Variants in PRELID3B observed in about 807,000 individuals in gnomAD.
PRELID3B encodes the protein PRELI domain containing protein 3B.
A neutral mutation model predicts 24.0 loss-of-function variants in PRELID3B; 15 were observed. The ratio of observed to expected loss-of-function variants is 0.63; its 90% CI spans 0.42 to 0.96. PRELID3B has a LOEUF of 0.96. Ranked by LOEUF, PRELID3B falls within the 40% of genes least tolerant of loss-of-function variation. The pLI, the probability that PRELID3B is intolerant of heterozygous loss-of-function variation, is 0.00. For synonymous variants in PRELID3B, 62 were observed against 76.0 expected (o/e 0.82, Z 0.96); for missense variants, 189 against 236.0 (o/e 0.80, Z 1.30).
intron 1 of PRELID3B, among the ~76,000 whole-genome samples, chr20:59,041,626 T>C (rs1211142160): frequency 6.6e-6 from 1 of 152,104 alleles, no homozygotes; most frequent in African/African-American, 2.4e-5. Context: ...TCCCAGCTAC[T>C]TGGGAGGCCA....
chr20:59,033,720 A>T lies in PRELID3B; in HGVS notation c.*1287T>A, dbSNP rs1304479561. 1 of 152,256 alleles carries T rather than the reference A, an allele frequency of 6.6e-6. No homozygotes were observed. Among genetic ancestry groups the T allele is most frequent in the Non-Finnish European group, 1.5e-5 (1 of 68,040 alleles). 9.4% of individuals were successfully genotyped at this position (152,256 alleles called of 1,614,324 possible). ...TATCACACTAAGCACTGTAAAATAA[A>T]GGCAAGAGCTAATCATCTTCTAGCA... On this transcript the variant is annotated 3_prime_UTR_variant, in exon 6 of 6. Transcript: ENST00000355937.
rs1365007254 is a variant in PRELID3B, at chr20:59,034,246, TTC to T, written c.*759_*760del. 6.6e-6 allele frequency: 1 copy of T among 152,250 alleles called. No homozygotes were observed. Among genetic ancestry groups the T allele is most frequent in the Non-Finnish European group, 1.5e-5 (1 of 68,050 alleles). 9.4% of individuals were successfully genotyped at this position (152,250 alleles called of 1,614,324 possible). On this transcript the variant is annotated 3_prime_UTR_variant, in exon 6 of 6. Coordinates refer to ENST00000355937, the MANE Select transcript of PRELID3B (RefSeq NM_016045.3). Reference sequence around the variant, plus strand: ...TGCTAAAAGATGTGAACAGCTGTTCTTCTGTTTAAGTTAGAGCACTGCAAAAC... The same window carrying T: ...TGCTAAAAGATGTGAACAGCTGTTCTTGTTTAAGTTAGAGCACTGCAAAAC...
In PRELID3B at chr20:59,033,684, G is replaced by A. The variant is rs1421302182; in HGVS notation, c.*1323C>T. On this transcript the variant is annotated 3_prime_UTR_variant, in exon 6 of 6. Coordinates refer to ENST00000355937, the MANE Select transcript of PRELID3B (RefSeq NM_016045.3). ...AACTGGTCTCTTGGATAGGAAACAT[G>A]ACTAGAAGTTTATCACACTAAGCAC... 5.9e-5 allele frequency: 9 copies of A among 152,318 alleles called. No individual in the cohort carries two copies. The highest frequency in any genetic ancestry group is 1.3e-4 in the Admixed American group (2 of 15,304). 9.4% of individuals were successfully genotyped at this position (152,318 alleles called of 1,614,324 possible).
chr20:59,033,890 C>T lies in PRELID3B; in HGVS notation c.*1117G>A, dbSNP rs1448549840. The stretch of plus-strand genomic sequence containing the variant: ...CTTGACATCCCAAATAAGGAATTCC[C>T]GTTAAGTAAAACCTGCAGTGCAATT... On this transcript the variant is annotated 3_prime_UTR_variant, in exon 6 of 6. Coordinates refer to ENST00000355937, the MANE Select transcript of PRELID3B (RefSeq NM_016045.3). 3 of 152,144 alleles carry T rather than the reference C, an allele frequency of 2.0e-5. No individual in the cohort carries two copies. The highest frequency in any genetic ancestry group is 2.9e-5 in the Non-Finnish European group (2 of 68,026). The allele number at this position is 152,144 out of a possible 1,614,324, so 9.4% of individuals were successfully genotyped here. A position where few individuals can be genotyped will look rare whatever the true frequency, so the allele number is the denominator to read the frequency against.
intron 2 of PRELID3B, among the ~76,000 whole-genome samples, chr20:59,037,712 G>A (rs530880751): frequency 2.0e-5 from 3 of 152,236 alleles, no homozygotes; most frequent in Non-Finnish European, 4.4e-5. Context: ...GAAAAACAGC[G>A]TTCTTACGAT....
intron 1 of PRELID3B, among the ~76,000 whole-genome samples, chr20:59,041,667 G>A (rs1337729996): frequency 6.6e-6 from 1 of 152,156 alleles, no homozygotes; most frequent in African/African-American, 2.4e-5. Flanking sequence ...CACGGGAGAC[G>A]GAGGTTGCAG....
In PRELID3B at chr20:59,042,423, C is replaced by A. The variant is rs565636762; in HGVS notation, c.32+276G>T. 2.6e-5 allele frequency among the ~76,000 whole-genome samples: 4 copies of A among 152,310 alleles called. No homozygotes were observed. The South Asian group carries it at 8.3e-4, about 32-fold the overall frequency. ...ACCTCAGGAGGCCGCCGGCCCGAGG[C>A]TACCTCATGGTGGGGGACAGCCCGG... On this transcript the variant is annotated intron_variant, in intron 1 of 5. Transcript: ENST00000355937.
chr20:59,039,801 T>G (rs2092098757), intron 1 of PRELID3B, among the ~76,000 whole-genome samples: 1 of 152,224 alleles, frequency 6.6e-6, no homozygotes, highest in South Asian at 2.1e-4. Context: ...GGACAACCAG[T>G]GACATCATTT....
chr20:59,039,414 T>A (rs1291843721), intron 1 of PRELID3B, among the ~76,000 whole-genome samples: 1 of 152,258 alleles, frequency 6.6e-6, no homozygotes, highest in African/African-American at 2.4e-5. Context: ...GCACATGTGC[T>A]TGGATGATTC....
At chr20:59,036,878 CGCT>C in intron 3 of PRELID3B, 118 bp from the exon 4 acceptor site, 3 of 692,574 alleles carry the variant, frequency 4.3e-6, no homozygotes, top group East Asian at 2.7e-5. Flanking sequence ...ACAAATAAAC[CGCT>C]GCTATTATTG....
At chr20:59,038,352 G>T in intron 2 of PRELID3B, 114 bp downstream of exon 2, 3 of 808,230 alleles carry the variant, frequency 3.7e-6, no homozygotes, top group South Asian at 2.4e-5. Flanking sequence ...CAACTTGAAC[G>T]GATGCAAAAA....
chr20:59,042,359 A>G (rs1387309372), intron 1 of PRELID3B, among the ~76,000 whole-genome samples: 1 of 152,218 alleles, frequency 6.6e-6, no homozygotes, highest in Non-Finnish European at 1.5e-5. Flanking sequence ...GGCAACCCTG[A>G]GTGCTGTCAA....
At chr20:59,039,763 CTCAACTCCATT>C (rs2092098505) in intron 1 of PRELID3B, among the ~76,000 whole-genome samples, 1 of 152,228 alleles carries the variant, frequency 6.6e-6, no homozygotes, top group Non-Finnish European at 1.5e-5. Flanking sequence ...AAAGGAAAAT[CTCAACTCCATT>C]AATTTCCCAG....
chr20:59,035,092 A>T lies in PRELID3B; in HGVS notation c.500T>A (p.Leu167Ter). The stretch of plus-strand genomic sequence containing the variant: ...TGTCAGTTCTTCAATCTCAGCATTT[A>T]ATTTATGTATTACCCATTCCATTGC... ...REAMEWVIHK[L>*]NAEIEELTAS... The change falls in exon 6 of 6, where the codon TTA becomes TAA. Residue 167 changes from leucine (L) to a stop codon, truncating the protein, a stop_gained. Coordinates refer to ENST00000355937, the MANE Select transcript of PRELID3B (RefSeq NM_016045.3). LOFTEE classifies it high-confidence loss of function. 6.2e-7 allele frequency: 1 copy of T among 1,613,668 alleles called. No individual in the cohort carries two copies. The highest frequency in any genetic ancestry group is 8.5e-7 in the Non-Finnish European group (1 of 1,179,836).
chr20:59,038,174 A>C, intron 2 of PRELID3B: 2 of 283,398 alleles, frequency 7.1e-6, no homozygotes, highest in Non-Finnish European at 1.3e-5. Flanking sequence ...GCCAAACCTT[A>C]GTATTGGTCT....
intron 1 of PRELID3B, among the ~76,000 whole-genome samples, chr20:59,039,992 ACT>A (rs374378422): frequency 6.6e-6 from 1 of 152,126 alleles, no homozygotes; most frequent in African/African-American, 2.4e-5. Flanking sequence ...TACCAAGGCA[ACT>A]CTCTAAAATG....
At chr20:59,038,093 C>G (rs777474130) in intron 2 of PRELID3B, 27 of 167,332 alleles carry the variant, frequency 1.6e-4, no homozygotes, top group Non-Finnish European at 2.8e-4. Context: ...AGAACATAGT[C>G]CTTACTTAAT....
At position 59,034,911 on chromosome 20, in the gene PRELID3B, T is replaced by G; in HGVS notation, c.*96A>C. ...TTATCAAAAAAAAAAAAAAAAAAAC[T>G]ACCCAAAATATAGTTGTATTTTTAA... On this transcript the variant is annotated 3_prime_UTR_variant, in exon 6 of 6. Transcript: ENST00000355937. The G allele has an allele frequency of 1.5e-6, 1 of 681,330 alleles. No homozygotes were observed. Among genetic ancestry groups the G allele is most frequent in the African/African-American group, 2.0e-5 (1 of 50,554 alleles). 42.2% of individuals were successfully genotyped at this position (681,330 alleles called of 1,614,324 possible). A position where few individuals can be genotyped will look rare whatever the true frequency, so the allele number is the denominator to read the frequency against.
In PRELID3B at chr20:59,034,942, C is replaced by CA; in HGVS notation, c.*64dup. On this transcript the variant is annotated 3_prime_UTR_variant, in exon 6 of 6. Coordinates refer to ENST00000355937, the MANE Select transcript of PRELID3B (RefSeq NM_016045.3). ...AAATATAGTTGTATTTTTAAAATAACAAATAAATATATAGTCAGTTTGGAG... is the reference window on the plus strand; with the variant it reads ...AAATATAGTTGTATTTTTAAAATAACAAAATAAATATATAGTCAGTTTGGAG... 2.0e-6 allele frequency: 2 copies of CA among 997,748 alleles called. No individual in the cohort carries two copies. Among genetic ancestry groups the CA allele is most frequent in the Non-Finnish European group, 2.6e-6 (2 of 767,420 alleles). The allele number at this position is 997,748 out of a possible 1,614,324, so 61.8% of individuals were successfully genotyped here.
Sources: gnomAD v4.1 joint callset for allele counts (sites outside exome capture counted in the v4.1 genomes callset) on GRCh38, gnomAD v4.1.1 for gene constraint, MANE v1.5 for transcripts, NCBI Gene and HGNC (gene_info 2026-07-23, HGNC 2026-07-21) for gene names.